The following KCNJ15 variants were observed in gnomAD, a reference collection of about 807,000 sequenced individuals.
KCNJ15 encodes the protein ATP-sensitive inward rectifier potassium channel 15.
In KCNJ15, 14 loss-of-function variants were observed where a neutral mutation model predicts 23.0. The ratio of observed to expected loss-of-function variants is 0.61; its 90% CI spans 0.40 to 0.95. The LOEUF (loss-of-function observed/expected upper bound fraction) is 0.95. Ranked by LOEUF, KCNJ15 falls within the 40% of genes least tolerant of loss-of-function variation. The probability of loss-of-function intolerance (pLI) is 0.00; values close to 1 mark genes in which losing one functional copy is unlikely to be tolerated. For missense variants in KCNJ15, 388 were observed against 461.8 expected (o/e 0.84, Z 1.46); for synonymous variants, 185 against 183.2 (o/e 1.01, Z -0.08).
At position 38,302,688 on chromosome 21, in the gene KCNJ15, C is replaced by G. The variant is rs1320376790; in HGVS notation, c.*2299C>G. ...TTCTGTTGCACTATTAAATTCTTTT[C>G]ACAGTATTCATATCAATGCTAATTT... On this transcript the variant is annotated 3_prime_UTR_variant, in exon 3 of 3. Transcript: ENST00000398938. The G allele has an allele frequency of 1.3e-5, 2 of 152,094 alleles. No individual in the cohort carries two copies. The highest frequency in any genetic ancestry group is 4.8e-5 in the African/African-American group (2 of 41,420). 9.4% of individuals were successfully genotyped at this position (152,094 alleles called of 1,614,324 possible).
At chr21:38,233,763 A>T (rs1489221808) in intron 1 of KCNJ15, among the ~76,000 whole-genome samples, 1 of 152,134 alleles carries the variant, frequency 6.6e-6, no homozygotes, top group Non-Finnish European at 1.5e-5. Context: ...TATCAGAATG[A>T]TGTGTACTAC....
At chr21:38,288,800 T>C (rs7279217) in intron 1 of KCNJ15, among the ~76,000 whole-genome samples, 103,537 of 152,098 alleles carry the variant, frequency 0.68, 35,663 homozygotes, top group South Asian at 0.75. Flanking sequence ...AGCATCTTCT[T>C]ATGTCTCACA....
chr21:38,233,924 C>G (rs1369556797), intron 1 of KCNJ15, among the ~76,000 whole-genome samples: 2 of 151,846 alleles, frequency 1.3e-5, no homozygotes, highest in Non-Finnish European at 2.9e-5. Flanking sequence ...AGTTTTATGT[C>G]TTTTAAAGAA....
intron 1 of KCNJ15, among the ~76,000 whole-genome samples, chr21:38,236,567 T>C (rs142444585): frequency 6.6e-6 from 1 of 152,326 alleles, no homozygotes; most frequent in African/African-American, 2.4e-5. Flanking sequence ...GATTCCCAAG[T>C]CAGATGCTTT....
chr21:38,242,523 C>T (rs1041387099), intron 1 of KCNJ15, among the ~76,000 whole-genome samples: 11 of 152,304 alleles, frequency 7.2e-5, no homozygotes, highest in African/African-American at 2.4e-4. Flanking sequence ...ACATTGGAAC[C>T]ATTTTAAATT....
chr21:38,260,294 G>A (rs768614327), intron 1 of KCNJ15, among the ~76,000 whole-genome samples: 1 of 152,094 alleles, frequency 6.6e-6, no homozygotes, highest in African/African-American at 2.4e-5. Context: ...GATAGTAGGG[G>A]GATCTCCACT....
upstream of KCNJ15, among the ~76,000 whole-genome samples, chr21:38,255,180 A>G (rs184591212): frequency 6.6e-6 from 1 of 152,074 alleles, no homozygotes; most frequent in Non-Finnish European, 1.5e-5. Context: ...TCAGATAAGG[A>G]CCTCCCAGAG....
intron 1 of KCNJ15, among the ~76,000 whole-genome samples, chr21:38,275,130 G>T (rs939113699): frequency 1.1e-4 from 16 of 152,052 alleles, no homozygotes; most frequent in African/African-American, 3.9e-4. Context: ...CATATGACAG[G>T]TGTGTGAATT....
chr21:38,238,536 C>T (rs923671748), intron 1 of KCNJ15: 14 of 638,346 alleles, frequency 2.2e-5, no homozygotes, highest in Admixed American at 7.4e-5. Flanking sequence ...GCAATGCCAC[C>T]GGGACATGGT....
chr21:38,287,267 C>A (rs1375585608), intron 1 of KCNJ15, among the ~76,000 whole-genome samples: 1 of 152,176 alleles, frequency 6.6e-6, no homozygotes, highest in African/African-American at 2.4e-5. Flanking sequence ...ACCCCCATCC[C>A]GCAGTGGTTA....
Position 38,305,210 on chromosome 21 carries a change from A to T in KCNJ15, c.*4821A>T, listed in dbSNP as rs962138378. 6 of 152,132 alleles carry T rather than the reference A, an allele frequency of 3.9e-5. No individual in the cohort carries two copies. Among genetic ancestry groups the T allele is most frequent in the African/African-American group, 1.4e-4 (6 of 41,434 alleles). 9.4% of individuals were successfully genotyped at this position (152,132 alleles called of 1,614,324 possible). A position where few individuals can be genotyped will look rare whatever the true frequency, so the allele number is the denominator to read the frequency against. On this transcript the variant is annotated 3_prime_UTR_variant, in exon 3 of 3. Coordinates refer to ENST00000398938, the MANE Select transcript of KCNJ15 (RefSeq NM_170736.3). ...ATCTTGCACCCAATTTCTTTTCAAC[A>T]TCATACATGCTTGGTTGACTGTTTC... is the stretch of plus-strand genomic sequence containing the variant.
Position 38,300,842 on chromosome 21 carries a change from T to C in KCNJ15, c.*453T>C, listed in dbSNP as rs1985721873. 1.2e-5 allele frequency: 2 copies of C among 168,916 alleles called. No homozygotes were observed. The highest frequency in any genetic ancestry group is 6.4e-5 in the Admixed American group (1 of 15,508). The allele number at this position is 168,916 out of a possible 1,614,324, so 10.5% of individuals were successfully genotyped here. ...CTCACTGCTTTAAAACATGCTCTTT[T>C]TGTTCAAGCAGGAAAAATATTATAT... is the stretch of plus-strand genomic sequence containing the variant. On this transcript the variant is annotated 3_prime_UTR_variant, in exon 3 of 3. Coordinates refer to ENST00000398938, the MANE Select transcript of KCNJ15 (RefSeq NM_170736.3).
chr21:38,264,195 A>G (rs1981221318), intron 1 of KCNJ15, among the ~76,000 whole-genome samples: 1 of 152,230 alleles, frequency 6.6e-6, no homozygotes, highest in Non-Finnish European at 1.5e-5. Context: ...TTGAAAGACA[A>G]TGTCCATTTT....
intron 1 of KCNJ15, among the ~76,000 whole-genome samples, chr21:38,283,499 A>G (rs1382321656): frequency 1.3e-5 from 2 of 152,242 alleles, no homozygotes; most frequent in Non-Finnish European, 2.9e-5. Flanking sequence ...TAAACACTGC[A>G]TAATATTTCA....
chr21:38,253,059 C>T (rs1315775895), upstream of KCNJ15, among the ~76,000 whole-genome samples: 1 of 152,112 alleles, frequency 6.6e-6, no homozygotes, highest in African/African-American at 2.4e-5. Flanking sequence ...TCATGAAAGC[C>T]CAGCTCTCTT....
intron 2 of KCNJ15, among the ~76,000 whole-genome samples, chr21:38,297,325 G>C (rs144529990): frequency 1.3e-5 from 2 of 152,318 alleles, no homozygotes; most frequent in Non-Finnish European, 2.9e-5. Flanking sequence ...CTTTGAAAGA[G>C]AGTTTCAAAC....
At chr21:38,246,901 C>T (rs77810141) in intron 1 of KCNJ15, among the ~76,000 whole-genome samples, 2,956 of 152,296 alleles carry the variant, frequency 0.019, 89 homozygotes, top group African/African-American at 0.065. Flanking sequence ...CTTAGCCCTT[C>T]TGACAGGAAA....
At chr21:38,278,232 G>C (rs1169938990) in intron 1 of KCNJ15, among the ~76,000 whole-genome samples, 1 of 152,180 alleles carries the variant, frequency 6.6e-6, no homozygotes, top group Non-Finnish European at 1.5e-5. Flanking sequence ...TAGAACCTAG[G>C]CATTGGCATG....
At chr21:38,297,323 G>T (rs1409301816) in intron 2 of KCNJ15, among the ~76,000 whole-genome samples, 1 of 152,198 alleles carries the variant, frequency 6.6e-6, no homozygotes, top group East Asian at 1.9e-4. Context: ...CCCTTTGAAA[G>T]AGAGTTTCAA....
Sources: allele counts gnomAD v4.1 joint callset (sites outside exome capture counted in the v4.1 genomes callset), GRCh38; gene constraint gnomAD v4.1.1; transcripts MANE v1.5; gene names NCBI Gene and HGNC (gene_info 2026-07-23, HGNC 2026-07-21).